TBL1XR1: variants seen among roughly 807,000 people sequenced by gnomAD.
TBL1XR1 encodes the protein TBL1X/Y related 1.
Under a neutral mutation model 66.9 loss-of-function variants are expected in TBL1XR1, and 5 were observed. The ratio of observed to expected loss-of-function variants is 0.07; its 90% CI spans 0.04 to 0.16. TBL1XR1 has a LOEUF of 0.16. Among genes scored for constraint, TBL1XR1 ranks in the 10% least tolerant of loss-of-function variants. The probability of loss-of-function intolerance (pLI) is 1.00; values close to 1 mark genes in which losing one functional copy is unlikely to be tolerated. For synonymous variants in TBL1XR1, 210 were observed against 206.0 expected (o/e 1.02, Z -0.17); for missense variants, 238 against 623.2 (o/e 0.38, Z 6.58).
intron 2 of TBL1XR1, among the ~76,000 whole-genome samples, chr3:177,080,937 A>G (rs887678886): frequency 3.9e-5 from 6 of 152,342 alleles, no homozygotes; most frequent in Non-Finnish European, 7.4e-5. Flanking sequence ...CAGACTTAAC[A>G]CTTCAAGGAT....
intron 1 of TBL1XR1, among the ~76,000 whole-genome samples, chr3:177,157,355 T>C (rs1288991221): frequency 6.6e-6 from 1 of 152,248 alleles, no homozygotes; most frequent in Non-Finnish European, 1.5e-5. Context: ...TGTGTGCATC[T>C]GACCATTCTT....
intron 1 of TBL1XR1, among the ~76,000 whole-genome samples, chr3:177,182,315 T>C (rs1233344331): frequency 6.6e-6 from 1 of 151,780 alleles, no homozygotes; most frequent in Non-Finnish European, 1.5e-5. Flanking sequence ...GCCCGGGGAG[T>C]TCAGGGCTGC....
At position 177,038,409 on chromosome 3, in the gene TBL1XR1, C is replaced by T; in HGVS notation, c.951G>A (p.Gln317=). The change falls in exon 11 of 16, where the codon CAG becomes CAA. Residue 317 remains glutamine, a synonymous_variant. Coordinates refer to ENST00000457928, the MANE Select transcript of TBL1XR1 (RefSeq NM_024665.7). ...HSAPALDVDW[Q]SNNTFASCST... is the part of the protein sequence containing the mutation. ...TACAAGAAGCAAAGGTGTTGTTGCT[C>T]TGCCAATCAACATCCAATGCTGGTG... The T allele has an allele frequency of 1.3e-6, 2 of 1,566,472 alleles. No homozygotes were observed. The highest frequency in any genetic ancestry group is 8.7e-7 in the Non-Finnish European group (1 of 1,154,578).
intron 2 of TBL1XR1, among the ~76,000 whole-genome samples, chr3:177,081,682 A>G (rs980404421): frequency 6.6e-6 from 1 of 151,530 alleles, no homozygotes; most frequent in Admixed American, 6.6e-5. Flanking sequence ...CTGAGGCTGC[A>G]GTATGCCGTG....
At chr3:177,146,411 C>A (rs771830917) in intron 1 of TBL1XR1, among the ~76,000 whole-genome samples, 1 of 151,252 alleles carries the variant, frequency 6.6e-6, no homozygotes, top group African/African-American at 2.4e-5. Context: ...CTCAGGCTCC[C>A]GAGTAGCTGG....
intron 14 of TBL1XR1, among the ~76,000 whole-genome samples, chr3:177,030,578 T>C (rs1320788284): frequency 6.6e-6 from 1 of 152,078 alleles, no homozygotes; most frequent in Non-Finnish European, 1.5e-5. Context: ...TTTATCTGTA[T>C]CTATAACATT....
chr3:177,046,720 CTTT>C (rs1374414575), intron 9 of TBL1XR1, among the ~76,000 whole-genome samples: 1 of 152,134 alleles, frequency 6.6e-6, no homozygotes, highest in African/African-American at 2.4e-5. Context: ...CCTTTTGCCA[CTTT>C]TTTTATTGCT....
At chr3:177,084,878 T>C (rs938105547) in intron 2 of TBL1XR1, among the ~76,000 whole-genome samples, 1 of 152,252 alleles carries the variant, frequency 6.6e-6, no homozygotes, top group African/African-American at 2.4e-5. Context: ...TTTCATATGT[T>C]GTCCAGAAAT....
At chr3:177,106,285 C>T (rs192715497) in intron 1 of TBL1XR1, among the ~76,000 whole-genome samples, 28 of 152,176 alleles carry the variant, frequency 1.8e-4, no homozygotes, top group African/African-American at 5.5e-4. Flanking sequence ...GAAACCATCG[C>T]GCAAATCAAT....
chr3:177,188,930 G>A (rs886661122), intron 1 of TBL1XR1, among the ~76,000 whole-genome samples: 6 of 152,122 alleles, frequency 3.9e-5, no homozygotes, highest in South Asian at 2.1e-4. Flanking sequence ...AATTTTGGGC[G>A]GGTGCGGTGG....
chr3:177,169,603 G>A, intron 1 of TBL1XR1, among the ~76,000 whole-genome samples: 1 of 152,206 alleles, frequency 6.6e-6, no homozygotes, highest in Non-Finnish European at 1.5e-5. Flanking sequence ...GCTTAATAGA[G>A]AAATGACAAA....
At chr3:177,181,433 G>A (rs1734806390) in intron 1 of TBL1XR1, among the ~76,000 whole-genome samples, 1 of 147,650 alleles carries the variant, frequency 6.8e-6, no homozygotes, top group African/African-American at 2.5e-5. Context: ...TAAGCCAAGA[G>A]CATGCCACCA....
intron 1 of TBL1XR1, among the ~76,000 whole-genome samples, chr3:177,135,302 G>A (rs1378905593): frequency 1.3e-4 from 4 of 31,696 alleles, no homozygotes; most frequent in Non-Finnish European, 2.5e-4. Flanking sequence ...GCACAAGGCC[G>A]CACTCTGTGT....
intron 1 of TBL1XR1, among the ~76,000 whole-genome samples, chr3:177,166,124 C>G (rs867645771): frequency 4.6e-5 from 7 of 152,176 alleles, no homozygotes; most frequent in South Asian, 2.1e-4. Context: ...CAGTGGGTCA[C>G]ACCTGTAATC....
intron 1 of TBL1XR1, among the ~76,000 whole-genome samples, chr3:177,114,431 CT>C (rs1186962160): frequency 3.3e-5 from 5 of 151,982 alleles, no homozygotes; most frequent in African/African-American, 1.2e-4. Flanking sequence ...ATCCTCTTGA[CT>C]CAGCCTCCCA....
At chr3:177,047,592 GGT>G (rs1233471488) in intron 7 of TBL1XR1, 43 bp from the exon 8 acceptor site, 3 of 1,552,000 alleles carry the variant, frequency 1.9e-6, no homozygotes, top group Non-Finnish European at 2.7e-6. Context: ...ATCTAGATAC[GGT>G]ATTTAATTGT....
intron 2 of TBL1XR1, among the ~76,000 whole-genome samples, chr3:177,098,124 G>A (rs904805296): frequency 2.0e-5 from 3 of 152,052 alleles, no homozygotes; most frequent in East Asian, 1.9e-4. Flanking sequence ...CAGGACAATC[G>A]CTTTAACCTG....
At chr3:177,119,790 A>G (rs1726761765) in intron 1 of TBL1XR1, among the ~76,000 whole-genome samples, 1 of 152,234 alleles carries the variant, frequency 6.6e-6, no homozygotes, top group Admixed American at 6.5e-5. Context: ...AACATTCCAA[A>G]GAATCCTTGG....
At chr3:177,134,979 CTGTG>C (rs1455104135) in intron 1 of TBL1XR1, among the ~76,000 whole-genome samples, 1 of 48,208 alleles carries the variant, frequency 2.1e-5, no homozygotes, top group African/African-American at 7.6e-5. Flanking sequence ...GTGTGTGTGT[CTGTG>C]TGTGTGTGTT....
Sources: gnomAD v4.1 joint callset for allele counts (sites outside exome capture counted in the v4.1 genomes callset) on GRCh38, gnomAD v4.1.1 for gene constraint, MANE v1.5 for transcripts, NCBI Gene and HGNC (gene_info 2026-07-23, HGNC 2026-07-21) for gene names.